USP39: variants seen among roughly 807,000 people sequenced by gnomAD.
USP39 encodes ubiquitin specific peptidase 39.
USP39 carries 38 observed loss-of-function variants against 66.4 expected under a neutral mutation model. The observed-to-expected ratio is 0.57, with a 90% confidence interval of 0.44 to 0.75. USP39 has a LOEUF of 0.75. Ranked by LOEUF, USP39 falls within the 30% of genes least tolerant of loss-of-function variation. The pLI is 0.00. For missense variants in USP39, 608 were observed against 714.4 expected (o/e 0.85, Z 1.70); for synonymous variants, 303 against 274.6 (o/e 1.10, Z -1.02).
At chr2:85,622,810 G>A (rs887744075) in intron 3 of USP39, among the ~76,000 whole-genome samples, 16 of 152,032 alleles carry the variant, frequency 1.1e-4, no homozygotes, top group Non-Finnish European at 2.4e-4. Context: ...TTGGGAGGCC[G>A]AGGAGGAGGA....
chr2:85,619,208 T>G lies in USP39; in HGVS notation c.269-12T>G. 6.2e-7 allele frequency: 1 copy of G among 1,613,820 alleles called. No individual in the cohort carries two copies. Among genetic ancestry groups the G allele is most frequent in the Non-Finnish European group, 8.5e-7 (1 of 1,179,906 alleles). On this transcript the variant is annotated splice_polypyrimidine_tract_variant and intron_variant, in intron 1 of 12. Coordinates refer to ENST00000323701, the MANE Select transcript of USP39 (RefSeq NM_006590.4). Reference sequence around the variant, plus strand: ...TTCCCATTTTCAAAGCCTGTGATGATTTTCCTTTCAGCAAAGAATGGCCGA... The same window carrying G: ...TTCCCATTTTCAAAGCCTGTGATGAGTTTCCTTTCAGCAAAGAATGGCCGA...
rs556991835 is a variant in USP39 at position 85,616,365 on chromosome 2, C to A, written c.170C>A (p.Ala57Glu). The A allele has an allele frequency of 4.4e-6, 7 of 1,600,192 alleles. No individual in the cohort carries two copies. Among genetic ancestry groups the A allele is most frequent in the Non-Finnish European group, 6.0e-6 (7 of 1,173,706 alleles). The change falls in exon 1 of 13, where the codon GCG becomes GAG. Residue 57 changes from alanine to glutamate, a missense_variant. Around this residue, in one of 6 missense-constraint regions of USP39, gnomAD observed 207 missense variants for 145.7 expected, o/e 1.42. Transcript: ENST00000323701. ...PVRVKREFEP[A>E]SAREAPASVV... is the part of the protein sequence containing the mutation. ...CGCGTGAAGCGGGAGTTCGAGCCGG[C>A]GAGCGCGCGCGAGGCCCCGGCTTCT...
intron 8 of USP39, 96 bp downstream of exon 8, chr2:85,637,532 G>A: frequency 7.3e-7 from 1 of 1,364,664 alleles, no homozygotes; most frequent in South Asian, 1.2e-5. Flanking sequence ...AAGCCTGCTT[G>A]CCCTGTGAAG....
chr2:85,631,313 CTTTT>C (rs57173306), intron 6 of USP39, among the ~76,000 whole-genome samples: 3 of 126,290 alleles, frequency 2.4e-5, no homozygotes, highest in Non-Finnish European at 4.9e-5. Flanking sequence ...TGCGCCCGGC[CTTTT>C]TTTTTTTTTT....
In USP39 at chr2:85,618,698, A is replaced by G. The variant is rs544415553; in HGVS notation, c.269-522A>G. Among the ~76,000 whole-genome samples the G allele has an allele frequency of 1.4e-4, 21 of 152,102 alleles. No individual in the cohort carries two copies. In the South Asian group the frequency reaches 1.9e-3, roughly 14 times the overall value. ...GATTTCTTTATGTAAAATGCAAACA[A>G]ATCTTCTGTTGATTTTATGTATACC... On this transcript the variant is annotated intron_variant, in intron 1 of 12. Coordinates refer to ENST00000323701, the MANE Select transcript of USP39 (RefSeq NM_006590.4).
intron 10 of USP39, among the ~76,000 whole-genome samples, chr2:85,642,626 A>G (rs1195285800): frequency 1.3e-5 from 2 of 152,256 alleles, no homozygotes; most frequent in Non-Finnish European, 2.9e-5. Context: ...GCAGTCTTTT[A>G]GAGAACATCA....
intron 4 of USP39, among the ~76,000 whole-genome samples, chr2:85,624,427 C>A (rs1243047099): frequency 1.3e-5 from 2 of 151,900 alleles, no homozygotes; most frequent in African/African-American, 4.8e-5. Context: ...CTCACTGCAG[C>A]CTCGACCTCA....
chr2:85,644,715 C>G (rs537884543), intron 10 of USP39, among the ~76,000 whole-genome samples: 2 of 152,026 alleles, frequency 1.3e-5, no homozygotes, highest in African/African-American at 4.8e-5. Flanking sequence ...GAGCCACTGC[C>G]TGTCATTCTT....
upstream of USP39, chr2:85,611,950 C>A: frequency 6.4e-7 from 1 of 1,570,448 alleles, no homozygotes; most frequent in Non-Finnish European, 8.6e-7. Flanking sequence ...AGGCTTGCAG[C>A]AGTGCCCCGG....
In USP39 at chr2:85,648,975, C is replaced by T. The variant is rs947237247; in HGVS notation, c.*167C>T. Reference sequence around the variant, plus strand: ...CAAGAGCCCACTTGCCTGGGATGGCCCCACACTGTCACTCAGCTGTTCTTT... The same window carrying T: ...CAAGAGCCCACTTGCCTGGGATGGCTCCACACTGTCACTCAGCTGTTCTTT... On this transcript the variant is annotated 3_prime_UTR_variant, in exon 13 of 13. Coordinates refer to ENST00000323701, the MANE Select transcript of USP39 (RefSeq NM_006590.4). The T allele has an allele frequency of 1.4e-6, 1 of 724,952 alleles. No homozygotes were observed. The highest frequency in any genetic ancestry group is 2.4e-6 in the Non-Finnish European group (1 of 414,646). 44.9% of individuals were successfully genotyped at this position (724,952 alleles called of 1,614,324 possible).
intron 10 of USP39, 53 bp downstream of exon 10, chr2:85,641,171 C>T (rs1676208828): frequency 6.2e-7 from 1 of 1,602,120 alleles, no homozygotes; most frequent in African/African-American, 1.3e-5. Flanking sequence ...TGGATTTCTT[C>T]TCTTGTATTT....
rs1285148574 is a variant in USP39, at chr2:85,616,221, C to T, written c.26C>T (p.Ser9Phe). 3 of 1,483,216 alleles carry T rather than the reference C, an allele frequency of 2.0e-6. No individual in the cohort carries two copies. Among genetic ancestry groups the T allele is most frequent in the East Asian group, 2.5e-5 (1 of 39,462 alleles). The allele number at this position is 1,483,216 out of a possible 1,614,324, so 91.9% of individuals were successfully genotyped here. A position where few individuals can be genotyped will look rare whatever the true frequency, so the allele number is the denominator to read the frequency against. MSGRSKRE[S>F]RGSTRGKRES... ...ATGTCCGGCCGGTCTAAGCGGGAGT[C>T]TCGCGGTTCCACTCGCGGGAAGCGA... Residue 9 changes from serine (S) to phenylalanine (F), a missense_variant, in exon 1 of 13, where the codon TCT becomes TTT. By Grantham distance (155) the Ser-to-Phe change is radical (BLOSUM62 -2). Transcript: ENST00000323701.
At chr2:85,621,742 C>G (rs910748155) in intron 3 of USP39, among the ~76,000 whole-genome samples, 163 bp downstream of exon 3, 3 of 151,986 alleles carry the variant, frequency 2.0e-5, no homozygotes. Context: ...TCTGACTGGT[C>G]AGAACCTGGA....
At chr2:85,621,712 A>G (rs1674477252) in intron 3 of USP39, 133 bp downstream of exon 3, 4 of 749,476 alleles carry the variant, frequency 5.3e-6, no homozygotes, top group Non-Finnish European at 8.5e-6. Context: ...AAATATTCTT[A>G]GAAAACCAAT....
chr2:85,634,292 G>A (rs1232959264), intron 6 of USP39, among the ~76,000 whole-genome samples: 1 of 151,932 alleles, frequency 6.6e-6, no homozygotes, highest in Non-Finnish European at 1.5e-5. Context: ...CTTAATCTGG[G>A]GCCAGGCGCG....
chr2:85,613,059 G>T (rs1573382180), upstream of USP39, among the ~76,000 whole-genome samples: 2 of 151,622 alleles, frequency 1.3e-5, no homozygotes, highest in Non-Finnish European at 2.9e-5. Context: ...AGGAATTCAT[G>T]ATTAGGACAG....
At chr2:85,628,381 G>C (rs1311341233) in intron 5 of USP39, among the ~76,000 whole-genome samples, 1 of 152,112 alleles carries the variant, frequency 6.6e-6, no homozygotes, top group Non-Finnish European at 1.5e-5. Context: ...TCCTGACTTC[G>C]TGATCTGCTC....
intron 6 of USP39, among the ~76,000 whole-genome samples, chr2:85,633,995 G>A (rs1016064644): frequency 4.0e-5 from 6 of 150,210 alleles, no homozygotes; most frequent in Admixed American, 6.6e-5. Flanking sequence ...CCGCCACTAC[G>A]CCCGGCTAAT....
chr2:85,614,875 G>C (rs1212364348), upstream of USP39, among the ~76,000 whole-genome samples: 2 of 152,206 alleles, frequency 1.3e-5, no homozygotes, highest in Non-Finnish European at 2.9e-5. Context: ...AATGCAGCCT[G>C]TCAAGGCCCA....
Sources: allele counts gnomAD v4.1 joint callset (sites outside exome capture counted in the v4.1 genomes callset), GRCh38; gene constraint gnomAD v4.1.1; regional missense constraint gnomAD v4.1.1; transcripts MANE v1.5; gene names NCBI Gene and HGNC (gene_info 2026-07-23, HGNC 2026-07-21).